The following PPARGC1A variants were observed in gnomAD, a reference collection of about 807,000 sequenced individuals.
PPARGC1A encodes the protein PPARG coactivator 1 alpha, also known as peroxisome proliferator-activated receptor gamma coactivator 1-alpha.
PPARGC1A carries 25 observed loss-of-function variants against 88.7 expected under a neutral mutation model. The ratio of observed to expected loss-of-function variants is 0.28; its 90% CI spans 0.21 to 0.39. The LOEUF (loss-of-function observed/expected upper bound fraction) is 0.39, where lower values mean the gene tolerates loss of function less well. Among genes scored for constraint, PPARGC1A ranks in the 10% least tolerant of loss-of-function variants. The pLI is 1.00. For synonymous variants in PPARGC1A, 363 were observed against 355.6 expected (o/e 1.02, Z -0.24); for missense variants, 880 against 968.7 (o/e 0.91, Z 1.22).
chr4:24,426,322 C>T, the PPARGC1A span, among the ~76,000 whole-genome samples: 1 of 152,132 alleles, frequency 6.6e-6, no homozygotes, highest in African/African-American at 2.4e-5. Flanking sequence ...GGAAGAAAAA[C>T]AGGGCTTCTA....
chr4:23,965,672 C>A, the PPARGC1A span, among the ~76,000 whole-genome samples: 1 of 152,136 alleles, frequency 6.6e-6, no homozygotes, highest in East Asian at 1.9e-4. Context: ...TGGCGAAGCT[C>A]CTGTGTGGAG....
At chr4:23,889,828 T>TC in intron 1 of PPARGC1A, 76 bp downstream of exon 1, 39 of 1,552,916 alleles carry the variant, frequency 2.5e-5, no homozygotes, top group Non-Finnish European at 3.4e-5. Context: ...CCCAAGCCCA[T>TC]CCCCCCTTAC....
the PPARGC1A span, among the ~76,000 whole-genome samples, chr4:23,929,628 C>A: frequency 6.6e-6 from 1 of 152,140 alleles, no homozygotes; most frequent in Non-Finnish European, 1.5e-5. Context: ...GGAAAAAGTG[C>A]GGCACCCATT....
chr4:24,194,622 ACGCG>A, the PPARGC1A span, among the ~76,000 whole-genome samples: 62 of 38,666 alleles, frequency 1.6e-3, no homozygotes, highest in East Asian at 0.015. Flanking sequence ...ACGCGCGCGC[ACGCG>A]CGCGCACACA....
the PPARGC1A span, among the ~76,000 whole-genome samples, chr4:24,190,097 G>C: frequency 6.6e-6 from 1 of 152,176 alleles, no homozygotes; most frequent in Non-Finnish European, 1.5e-5. Context: ...ATCTGTACAA[G>C]TTGTGACCCT....
chr4:24,374,563 TA>T, the PPARGC1A span, among the ~76,000 whole-genome samples: 376 of 146,558 alleles, frequency 2.6e-3, no homozygotes, highest in Admixed American at 7.8e-3. Flanking sequence ...AAATAAATGT[TA>T]AAAAAAAAAG....
Position 23,824,170 on chromosome 4 carries a change from TTC to T in PPARGC1A, c.877+108_877+109del, listed in dbSNP as rs1024812734. On this transcript the variant is annotated intron_variant, in intron 7 of 12. Transcript: ENST00000264867. ...AGATAACTTCTTATCCAATTTTGTA[TTC>T]TTTGTTAATTTCATTAACCACATAG... 1.5e-5 allele frequency: 13 copies of T among 872,428 alleles called. No homozygotes were observed. In the African/African-American group the frequency reaches 1.9e-4, roughly 12 times the overall value. 54.0% of individuals were successfully genotyped at this position (872,428 alleles called of 1,614,324 possible).
rs182740283 is a variant in PPARGC1A at position 23,838,698 on chromosome 4, C to T, written c.235-6947G>A. The stretch of plus-strand genomic sequence containing the variant: ...GCCAAATTTGCTGGAATTTGTGGGC[C>T]GGTAGAAATAACATAAATTTTAATT... On this transcript the variant is annotated intron_variant, in intron 2 of 12. Transcript: ENST00000264867. 4.3e-4 allele frequency among the ~76,000 whole-genome samples: 65 copies of T among 152,074 alleles called. No individual in the cohort carries two copies. In the South Asian group the frequency reaches 6.8e-3, roughly 16 times the overall value.
chr4:24,199,683 A>G, the PPARGC1A span, among the ~76,000 whole-genome samples: 2 of 152,212 alleles, frequency 1.3e-5, no homozygotes, highest in East Asian at 1.9e-4. Context: ...ATTCCTACTC[A>G]AAAAACAAAA....
the PPARGC1A span, among the ~76,000 whole-genome samples, chr4:23,936,180 AT>A: frequency 1.3e-5 from 2 of 152,194 alleles, no homozygotes; most frequent in Non-Finnish European, 2.9e-5. Flanking sequence ...AATAAGTAAG[AT>A]GTATTGAATG....
At chr4:24,112,884 T>C in the PPARGC1A span, among the ~76,000 whole-genome samples, 1 of 152,158 alleles carries the variant, frequency 6.6e-6, no homozygotes, top group East Asian at 1.9e-4. Flanking sequence ...TGGCTAGATG[T>C]GTCACTGGCA....
At chr4:23,805,849 T>A (rs956192093) in intron 10 of PPARGC1A, among the ~76,000 whole-genome samples, 4 of 152,118 alleles carry the variant, frequency 2.6e-5, no homozygotes, top group African/African-American at 9.7e-5. Flanking sequence ...ACTACCATTA[T>A]GGGAATAAAC....
chr4:23,937,944 A>G, the PPARGC1A span, among the ~76,000 whole-genome samples: 1,499 of 152,290 alleles, frequency 9.8e-3, 13 homozygotes, highest in Middle Eastern at 0.054. Flanking sequence ...CAAGCATCCT[A>G]TTCATCTCAA....
chr4:24,161,961 TACACACACACACACACACACACACAC>T, the PPARGC1A span, among the ~76,000 whole-genome samples: 4 of 133,862 alleles, frequency 3.0e-5, no homozygotes, highest in Middle Eastern at 3.4e-3. Context: ...AATTGTGATA[TACACACACACACACACACACACACAC>T]ACACACACAC....
the PPARGC1A span, among the ~76,000 whole-genome samples, chr4:24,150,967 T>A: frequency 7.2e-5 from 11 of 152,322 alleles, no homozygotes; most frequent in African/African-American, 2.6e-4. Flanking sequence ...GCCTATGCTG[T>A]TCCAATTGCA....
chr4:23,941,267 A>G, the PPARGC1A span, among the ~76,000 whole-genome samples: 1 of 152,182 alleles, frequency 6.6e-6, no homozygotes, highest in Non-Finnish European at 1.5e-5. Flanking sequence ...TATGTTGTCA[A>G]GGCTGGTTTT....
chr4:23,856,117 C>T (rs1022585729), intron 2 of PPARGC1A, among the ~76,000 whole-genome samples: 2 of 152,156 alleles, frequency 1.3e-5, no homozygotes, highest in African/African-American at 4.8e-5. Context: ...CAAAACAAAG[C>T]TTGTATATCT....
At chr4:23,962,644 G>A in the PPARGC1A span, among the ~76,000 whole-genome samples, 1 of 152,168 alleles carries the variant, frequency 6.6e-6, no homozygotes, top group Non-Finnish European at 1.5e-5. Flanking sequence ...CAAGACTCCT[G>A]TTTGCCAATG....
rs1718893848 is a variant in PPARGC1A at position 23,802,236 on chromosome 4, A to G, written c.2129T>C (p.Leu710Pro). 1 of 1,614,078 alleles carries G rather than the reference A, an allele frequency of 6.2e-7. No individual in the cohort carries two copies. The highest frequency in any genetic ancestry group is 1.1e-5 in the South Asian group (1 of 91,076). ...TGAAGATTCTCACCCATCATCCCGC[A>G]GATTTACTGTGCACTCCTCAATTTC... ...FGEIEECTVN[L>P]RDDGDSYGFI... Residue 710 changes from leucine (L) to proline (P), a missense_variant, in exon 11 of 13, where the codon CTG (leucine) becomes CCG (proline). Transcript: ENST00000264867.
Sources: allele counts gnomAD v4.1 joint callset (sites outside exome capture counted in the v4.1 genomes callset), GRCh38; gene constraint gnomAD v4.1.1; transcripts MANE v1.5; gene names NCBI Gene and HGNC (gene_info 2026-07-23, HGNC 2026-07-21).